TENM2: variants seen among roughly 807,000 people sequenced by gnomAD.
The protein encoded by TENM2 is teneurin-2.
A neutral mutation model predicts 245.2 loss-of-function variants in TENM2; 52 were observed. That is an observed-to-expected ratio of 0.21 (90% CI 0.17 to 0.27). The LOEUF (loss-of-function observed/expected upper bound fraction) is 0.27. Ranked by LOEUF, TENM2 falls within the 10% of genes least tolerant of loss-of-function variation. TENM2 has a pLI of 1.00. For missense variants in TENM2, 3,046 were observed against 3,666.8 expected (o/e 0.83, Z 4.37); for synonymous variants, 1,363 against 1,438.9 (o/e 0.95, Z 1.19).
intron 2 of TENM2, among the ~76,000 whole-genome samples, chr5:167,764,847 G>A (rs1762904301): frequency 6.6e-6 from 1 of 152,154 alleles, no homozygotes; most frequent in Non-Finnish European, 1.5e-5. Flanking sequence ...GGAGCTGACT[G>A]GGCAAATTGC....
intron 5 of TENM2, among the ~76,000 whole-genome samples, chr5:168,002,561 G>T (rs533737826): frequency 6.6e-6 from 1 of 152,146 alleles, no homozygotes; most frequent in Non-Finnish European, 1.5e-5. Flanking sequence ...CTTTGAAACT[G>T]GTTTTAAGGC....
chr5:167,859,150 T>A (rs1414809633), intron 2 of TENM2, among the ~76,000 whole-genome samples: 45 of 92,146 alleles, frequency 4.9e-4, no homozygotes, highest in Non-Finnish European at 7.5e-4. Context: ...GGAGCGCCTC[T>A]GCCCGGCCGA....
intron 2 of TENM2, among the ~76,000 whole-genome samples, chr5:167,810,377 G>A (rs1340911761): frequency 6.6e-6 from 1 of 152,008 alleles, no homozygotes; most frequent in Non-Finnish European, 1.5e-5. Flanking sequence ...GCTTCCAATT[G>A]TCACTGTTTG....
intron 4 of TENM2, among the ~76,000 whole-genome samples, chr5:167,986,390 A>G (rs796519947): frequency 3.9e-5 from 6 of 152,314 alleles, no homozygotes; most frequent in African/African-American, 1.4e-4. Flanking sequence ...TTGCCTTACT[A>G]TTCCATCCCA....
At chr5:166,981,269 A>C in the TENM2 span, among the ~76,000 whole-genome samples, 1 of 151,666 alleles carries the variant, frequency 6.6e-6, no homozygotes, top group African/African-American at 2.4e-5. Flanking sequence ...CAGCTTATTC[A>C]TGGGTCCCTT....
chr5:167,791,320 A>ATG (rs1241937295), intron 2 of TENM2, among the ~76,000 whole-genome samples: 1 of 148,296 alleles, frequency 6.7e-6, no homozygotes, highest in Non-Finnish European at 1.5e-5. Context: ...CTTATGTATA[A>ATG]TGTAATACGG....
chr5:167,984,902 C>G (rs1015484121), intron 4 of TENM2, among the ~76,000 whole-genome samples: 3 of 152,042 alleles, frequency 2.0e-5, no homozygotes, highest in African/African-American at 7.2e-5. Context: ...AGGACCCTGC[C>G]CCTTGAATTT....
At chr5:167,491,224 A>G (rs1768411181) in intron 2 of TENM2, among the ~76,000 whole-genome samples, 1 of 152,166 alleles carries the variant, frequency 6.6e-6, no homozygotes, top group Non-Finnish European at 1.5e-5. Flanking sequence ...TAGATTTCAC[A>G]CATGATTGTT....
intron 2 of TENM2, among the ~76,000 whole-genome samples, chr5:167,439,911 C>T (rs114204487): frequency 1.8e-3 from 272 of 152,174 alleles, no homozygotes; most frequent in Admixed American, 2.9e-3. Context: ...AATATTTTAT[C>T]TATATTGCAT....
At chr5:168,251,356 G>A (rs907100296) in intron 27 of TENM2, among the ~76,000 whole-genome samples, 9 of 152,176 alleles carry the variant, frequency 5.9e-5, no homozygotes, top group Non-Finnish European at 8.8e-5. Flanking sequence ...TTCTCATTCC[G>A]GTGTTTCATG....
intron 3 of TENM2, among the ~76,000 whole-genome samples, chr5:167,932,665 G>T (rs1287052038): frequency 1.3e-5 from 2 of 152,050 alleles, no homozygotes; most frequent in African/African-American, 4.8e-5. Context: ...TCCCTCATCC[G>T]CTAAGCCAAG....
intron 18 of TENM2, 40 bp from the exon 21 acceptor site, chr5:168,204,332 G>C (rs1482318539): frequency 6.3e-6 from 10 of 1,595,572 alleles, no homozygotes; most frequent in Non-Finnish European, 8.6e-6. Flanking sequence ...GTCTTCCCCA[G>C]AGGGCTTCAG....
chr5:168,262,769 A>C, exon 29 of TENM2: 1 of 1,609,718 alleles, frequency 6.2e-7, no homozygotes, highest in Non-Finnish European at 8.5e-7. Context: ...CAGTAGCAGC[A>C]ACATCCAGTT....
chr5:168,244,331 C>G lies in TENM2; in HGVS notation c.5521-89C>G. ...TTCTTCCTCCAGTGAACACTTAAGC[C>G]CTGGCCATGCCAGCCATGTCCTCCA... is the stretch of plus-strand genomic sequence containing the variant. On this transcript the variant is annotated intron_variant, in intron 25 of 28. Transcript: ENST00000518659. The surrounding 1 kb of genome is among the most constrained non-coding windows in gnomAD (Gnocchi z 4.9). The G allele has an allele frequency of 9.1e-7, 1 of 1,100,426 alleles. No homozygotes were observed. The highest frequency in any genetic ancestry group is 1.2e-6 in the Non-Finnish European group (1 of 801,136). The allele number at this position is 1,100,426 out of a possible 1,614,324, so 68.2% of individuals were successfully genotyped here.
At chr5:167,859,154 C>A (rs1177847963) in intron 2 of TENM2, among the ~76,000 whole-genome samples, 5 of 98,204 alleles carry the variant, frequency 5.1e-5, no homozygotes, top group Non-Finnish European at 4.3e-5. Flanking sequence ...CGCCTCTGCC[C>A]GGCCGAGACC....
chr5:167,153,842 T>G, the TENM2 span, among the ~76,000 whole-genome samples: 1 of 152,178 alleles, frequency 6.6e-6, no homozygotes, highest in African/African-American at 2.4e-5. Flanking sequence ...TCACAATTAA[T>G]GTAATTATCA....
At chr5:167,437,733 T>C (rs56038423) in intron 2 of TENM2, among the ~76,000 whole-genome samples, 4,679 of 152,212 alleles carry the variant, frequency 0.031, 263 homozygotes, top group African/African-American at 0.11. Context: ...CTTGTGATAG[T>C]GAATGAGTCT....
chr5:168,233,593 A>AACTT (rs1190805392), intron 25 of TENM2, among the ~76,000 whole-genome samples: 1 of 152,248 alleles, frequency 6.6e-6, no homozygotes, highest in Non-Finnish European at 1.5e-5. Context: ...CATTCAGACT[A>AACTT]ACTTAGAAGA....
At chr5:167,471,925 C>A (rs1378809830) in intron 2 of TENM2, among the ~76,000 whole-genome samples, 1 of 152,202 alleles carries the variant, frequency 6.6e-6, no homozygotes, top group African/African-American at 2.4e-5. Context: ...CCTTTTCTTT[C>A]TCTGAGCCTT....
Sources: allele counts gnomAD v4.1 joint callset (sites outside exome capture counted in the v4.1 genomes callset), GRCh38; gene constraint gnomAD v4.1.1; non-coding constraint Gnocchi (gnomAD v3.1); transcripts MANE v1.5; gene names NCBI Gene and HGNC (gene_info 2026-07-23, HGNC 2026-07-21).